Variants in PARD3 observed in about 807,000 individuals in gnomAD.
The protein encoded by PARD3 is par-3 family cell polarity regulator, also known as partitioning defective 3 homolog.
Under a neutral mutation model 155.4 loss-of-function variants are expected in PARD3, and 75 were observed. The ratio of observed to expected loss-of-function variants is 0.48; its 90% CI spans 0.40 to 0.58. The LOEUF (loss-of-function observed/expected upper bound fraction) is 0.58, where lower values mean the gene tolerates loss of function less well. Among genes scored for constraint, PARD3 ranks in the 20% least tolerant of loss-of-function variants. The pLI, the probability that PARD3 is intolerant of heterozygous loss-of-function variation, is 0.00. For missense variants in PARD3, 1,642 were observed against 1,721.7 expected, an observed-to-expected ratio of 0.95 and a Z score of 0.82; for synonymous variants, 576 against 610.5, an observed-to-expected ratio of 0.94 and a Z score of 0.83.
chr10:34,368,839 T>TAA (rs71033310), intron 12 of PARD3, among the ~76,000 whole-genome samples: 15,317 of 108,430 alleles, frequency 0.14, 1,431 homozygotes, highest in African/African-American at 0.25. Flanking sequence ...ATGAGCAATG[T>TAA]AAAAAAAAAA....
At chr10:34,131,336 T>C in intron 23 of PARD3, 127 bp downstream of exon 23, 1 of 915,904 alleles carries the variant, frequency 1.1e-6, no homozygotes, top group Non-Finnish European at 1.7e-6. Flanking sequence ...AAGGTCAATA[T>C]GTTAAAGGTC....
intron 20 of PARD3, among the ~76,000 whole-genome samples, 191 bp downstream of exon 20, chr10:34,316,916 A>G (rs949924441): frequency 6.6e-6 from 1 of 151,746 alleles, no homozygotes; most frequent in Admixed American, 6.6e-5. Flanking sequence ...TATTTATTTT[A>G]GAGAGAGAAT....
intron 2 of PARD3, among the ~76,000 whole-genome samples, chr10:34,655,181 C>T (rs892088248): frequency 3.3e-5 from 5 of 151,580 alleles, no homozygotes; most frequent in Non-Finnish European, 5.9e-5. Flanking sequence ...AATTTGAAGA[C>T]GAGGTTTGTT....
At chr10:34,346,335 GAGTTTT>G (rs1208154324) in intron 15 of PARD3, 2 of 1,275,536 alleles carry the variant, frequency 1.6e-6, no homozygotes, top group Admixed American at 5.3e-5. Flanking sequence ...TTTTTGGTTT[GAGTTTT>G]AGTTTTAGTT....
intron 19 of PARD3, among the ~76,000 whole-genome samples, chr10:34,319,038 CA>C (rs1958204708): frequency 6.6e-6 from 1 of 150,466 alleles, no homozygotes. Flanking sequence ...CTCGGCCTCC[CA>C]AAGTGCTGGG....
chr10:34,638,192 C>A (rs1471733612), intron 2 of PARD3, among the ~76,000 whole-genome samples: 3 of 152,154 alleles, frequency 2.0e-5, no homozygotes, highest in Non-Finnish European at 4.4e-5. Flanking sequence ...GAAAGAAATA[C>A]CTGAGATTTC....
At chr10:34,754,736 C>T (rs1282447454) in intron 1 of PARD3, among the ~76,000 whole-genome samples, 1 of 152,180 alleles carries the variant, frequency 6.6e-6, no homozygotes, top group African/African-American at 2.4e-5. Flanking sequence ...TTTCAGACTG[C>T]GTTGGATTAC....
At chr10:34,171,051 T>C (rs1491000867) in intron 22 of PARD3, among the ~76,000 whole-genome samples, 2 of 152,204 alleles carry the variant, frequency 1.3e-5, no homozygotes. Flanking sequence ...AATTTGATCA[T>C]TGTTTTCCTC....
chr10:34,121,616 A>C (rs571749650), intron 23 of PARD3, among the ~76,000 whole-genome samples: 12 of 152,234 alleles, frequency 7.9e-5, no homozygotes, highest in Non-Finnish European at 1.6e-4. Context: ...CACAGAAAGA[A>C]ATCAAGCATC....
intron 12 of PARD3, among the ~76,000 whole-genome samples, chr10:34,361,928 T>C (rs1279433699): frequency 6.6e-6 from 1 of 152,198 alleles, no homozygotes; most frequent in Non-Finnish European, 1.5e-5. Context: ...AGTAAATACA[T>C]TTATGATCAA....
intron 2 of PARD3, among the ~76,000 whole-genome samples, chr10:34,616,912 G>T (rs2091291100): frequency 1.4e-5 from 2 of 144,720 alleles, no homozygotes; most frequent in African/African-American, 2.7e-5. Flanking sequence ...TCCAGCTTGG[G>T]CAACAGAGCA....
At chr10:34,305,098 G>A (rs191075667) in intron 20 of PARD3, among the ~76,000 whole-genome samples, 108 of 152,260 alleles carry the variant, frequency 7.1e-4, no homozygotes, top group African/African-American at 2.3e-3. Flanking sequence ...AGACTGTAAA[G>A]TTCTTCATTT....
intron 1 of PARD3, among the ~76,000 whole-genome samples, chr10:34,814,669 T>G (rs1844673954): frequency 6.6e-6 from 1 of 151,662 alleles, no homozygotes; most frequent in Non-Finnish European, 1.5e-5. Context: ...GGGACCCGGC[T>G]GGGTGTCCCA....
intron 22 of PARD3, among the ~76,000 whole-genome samples, chr10:34,258,320 C>T (rs907339403): frequency 5.9e-5 from 9 of 151,940 alleles, no homozygotes; most frequent in African/African-American, 9.7e-5. Context: ...ATCCATGGGC[C>T]GCACGACAGA....
chr10:34,647,499 T>G (rs895108677), intron 2 of PARD3, among the ~76,000 whole-genome samples: 2 of 152,184 alleles, frequency 1.3e-5, no homozygotes, highest in African/African-American at 4.8e-5. Context: ...ACGAAAACGT[T>G]AAGGACTTTT....
chr10:34,435,934 T>C lies in PARD3; in HGVS notation c.714+14383A>G, dbSNP rs7342116. Among the ~76,000 whole-genome samples the C allele has an allele frequency of 4.8e-3, 733 of 152,290 alleles. 4 individuals carry two copies. The highest frequency in any genetic ancestry group is 0.017 in the African/African-American group (699 of 41,544). ...ATCTTAAAAAAAGAAAATCTTGTCCTTTTTCTGTCCCCGTCATTCTACTCA... is the reference window on the plus strand; with the variant it reads ...ATCTTAAAAAAAGAAAATCTTGTCCCTTTTCTGTCCCCGTCATTCTACTCA... On this transcript the variant is annotated intron_variant, in intron 5 of 24. Transcript: ENST00000374788.
chr10:34,807,100 T>G lies in PARD3; in HGVS notation c.120+7776A>C, dbSNP rs555850646. ...GGCTAAAGAACAATTGGTGAAGCCC[T>G]TAGAGGGGGTAGGGGGTAGCACACA... On this transcript the variant is annotated intron_variant, in intron 1 of 24. Transcript: ENST00000374788. 1.6e-4 allele frequency among the ~76,000 whole-genome samples: 24 copies of G among 152,168 alleles called. 1 individual carries two copies. Among genetic ancestry groups the G allele is most frequent in the African/African-American group, 5.3e-4 (22 of 41,528 alleles).
intron 1 of PARD3, among the ~76,000 whole-genome samples, chr10:34,776,779 C>CA (rs569075968): frequency 5.3e-4 from 66 of 124,954 alleles, no homozygotes; most frequent in East Asian, 3.5e-3. Context: ...AAAAAGAAAA[C>CA]AAAAAAAAAC....
At chr10:34,411,055 C>T (rs943222177) in intron 5 of PARD3, among the ~76,000 whole-genome samples, 7 of 152,164 alleles carry the variant, frequency 4.6e-5, no homozygotes, top group African/African-American at 1.4e-4. Context: ...CTTCTGTCAG[C>T]AACCATGAAA....
Sources: allele counts gnomAD v4.1 joint callset (sites outside exome capture counted in the v4.1 genomes callset), GRCh38; gene constraint gnomAD v4.1.1; transcripts MANE v1.5; gene names NCBI Gene and HGNC (gene_info 2026-07-23, HGNC 2026-07-21).